PABPC4L: variants seen among roughly 807,000 people sequenced by gnomAD.
PABPC4L encodes polyadenylate-binding protein 4-like.
For synonymous variants in PABPC4L, 169 were observed against 164.1 expected (o/e 1.03, Z -0.23); for missense variants, 452 against 451.4 (o/e 1.00, Z -0.01).
the PABPC4L span, among the ~76,000 whole-genome samples, chr4:134,073,040 C>G: frequency 6.6e-6 from 1 of 152,126 alleles, no homozygotes; most frequent in African/African-American, 2.4e-5. Flanking sequence ...TGGCCCCTCC[C>G]AAATCTCATG....
the PABPC4L span, among the ~76,000 whole-genome samples, chr4:133,990,206 A>C: frequency 6.6e-6 from 1 of 152,192 alleles, no homozygotes; most frequent in Non-Finnish European, 1.5e-5. Context: ...GGCAACGTGC[A>C]TCAAGCAAGT....
chr4:134,048,956 G>A, the PABPC4L span, among the ~76,000 whole-genome samples: 3 of 151,902 alleles, frequency 2.0e-5, no homozygotes, highest in Admixed American at 2.0e-4. Flanking sequence ...TAAAAATAAG[G>A]AAAAATTCTA....
chr4:134,146,649 A>G, the PABPC4L span, among the ~76,000 whole-genome samples: 34 of 152,160 alleles, frequency 2.2e-4, no homozygotes, highest in East Asian at 6.2e-3. Flanking sequence ...GCAGAGTAGA[A>G]TTTTATTGGG....
the PABPC4L span, among the ~76,000 whole-genome samples, chr4:134,070,773 G>A: frequency 2.6e-5 from 4 of 152,192 alleles, no homozygotes; most frequent in African/African-American, 7.2e-5. Context: ...GGGCCCCAGG[G>A]TAGCATCCCA....
the PABPC4L span, among the ~76,000 whole-genome samples, chr4:134,109,514 A>G: frequency 6.6e-6 from 1 of 151,932 alleles, no homozygotes; most frequent in African/African-American, 2.4e-5. Context: ...AATTATTCTG[A>G]TGAAAGAAAA....
chr4:134,157,446 T>C, the PABPC4L span, among the ~76,000 whole-genome samples: 2 of 151,804 alleles, frequency 1.3e-5, no homozygotes, highest in South Asian at 4.1e-4. Context: ...GAAACTTTTG[T>C]CCACTTGATT....
At chr4:134,159,469 C>A in the PABPC4L span, among the ~76,000 whole-genome samples, 1 of 152,052 alleles carries the variant, frequency 6.6e-6, no homozygotes, top group African/African-American at 2.4e-5. Context: ...CAGCACAGCA[C>A]AAAGAGAATC....
the PABPC4L span, among the ~76,000 whole-genome samples, chr4:134,017,885 C>G: frequency 1.3e-5 from 2 of 152,048 alleles, no homozygotes; most frequent in Non-Finnish European, 2.9e-5. Context: ...CACCCATTAT[C>G]TCTCCATACC....
the PABPC4L span, among the ~76,000 whole-genome samples, chr4:134,165,944 C>T: frequency 6.6e-6 from 1 of 152,076 alleles, no homozygotes; most frequent in Non-Finnish European, 1.5e-5. Flanking sequence ...TACTATTCAG[C>T]CTCTAAAAAG....
At chr4:134,120,862 G>C in the PABPC4L span, among the ~76,000 whole-genome samples, 1 of 151,200 alleles carries the variant, frequency 6.6e-6, no homozygotes, top group Admixed American at 6.6e-5. Flanking sequence ...GTAGCAGCTT[G>C]ATGCATTTTT....
the PABPC4L span, among the ~76,000 whole-genome samples, chr4:133,948,466 G>A: frequency 2.4e-4 from 37 of 152,204 alleles, no homozygotes; most frequent in Non-Finnish European, 4.7e-4. Flanking sequence ...CACCAGTCAT[G>A]TTTAGGATGT....
At chr4:134,023,979 A>AT in the PABPC4L span, among the ~76,000 whole-genome samples, 1 of 152,192 alleles carries the variant, frequency 6.6e-6, no homozygotes, top group Non-Finnish European at 1.5e-5. Context: ...TTTCAACACT[A>AT]TTAATTATGA....
the PABPC4L span, among the ~76,000 whole-genome samples, chr4:134,146,943 G>C: frequency 6.6e-6 from 1 of 152,072 alleles, no homozygotes; most frequent in Admixed American, 6.6e-5. Flanking sequence ...TGAAGGTCGA[G>C]TTTCACTGGG....
chr4:134,150,096 T>G, the PABPC4L span, among the ~76,000 whole-genome samples: 1 of 151,372 alleles, frequency 6.6e-6, no homozygotes, highest in Non-Finnish European at 1.5e-5. Context: ...TCTTTTTTTT[T>G]TTTTGAGACA....
the PABPC4L span, among the ~76,000 whole-genome samples, chr4:133,978,413 G>A: frequency 6.6e-6 from 1 of 152,108 alleles, no homozygotes; most frequent in African/African-American, 2.4e-5. Flanking sequence ...TTCAAGACCA[G>A]CCTAAGCAGC....
chr4:134,075,894 T>C, the PABPC4L span, among the ~76,000 whole-genome samples: 1 of 152,080 alleles, frequency 6.6e-6, no homozygotes, highest in Non-Finnish European at 1.5e-5. Context: ...ATATTGATTG[T>C]TTACATCATT....
the PABPC4L span, among the ~76,000 whole-genome samples, chr4:134,135,885 T>C: frequency 1.3e-5 from 2 of 151,984 alleles, no homozygotes; most frequent in Non-Finnish European, 2.9e-5. Context: ...ACAATACCCA[T>C]TTCCCTATCA....
the PABPC4L span, among the ~76,000 whole-genome samples, chr4:134,102,847 T>G: frequency 4.0e-5 from 6 of 151,542 alleles, no homozygotes; most frequent in African/African-American, 1.4e-4. Context: ...AATATGTTTA[T>G]AAGTACATGT....
At chr4:134,147,769 GTTT>G in the PABPC4L span, among the ~76,000 whole-genome samples, 6 of 149,018 alleles carry the variant, frequency 4.0e-5, no homozygotes, top group South Asian at 1.3e-3. Flanking sequence ...TGTTGTTGTT[GTTT>G]TTTCCTAGAA....
Sources: gnomAD v4.1 joint callset for allele counts (sites outside exome capture counted in the v4.1 genomes callset) on GRCh38, gnomAD v4.1.1 for gene constraint, MANE v1.5 for transcripts, NCBI Gene and HGNC (gene_info 2026-07-23, HGNC 2026-07-21) for gene names.